FNBP1L: variants seen among roughly 807,000 people sequenced by gnomAD.
The protein encoded by FNBP1L is formin-binding protein 1-like.
FNBP1L carries 36 observed loss-of-function variants against 91.2 expected under a neutral mutation model. That is an observed-to-expected ratio of 0.39 (90% CI 0.30 to 0.52). FNBP1L has a LOEUF of 0.52. Ranked by LOEUF, FNBP1L falls within the 20% of genes least tolerant of loss-of-function variation. FNBP1L has a pLI of 0.66. For missense variants in FNBP1L, 571 were observed against 732.1 expected (o/e 0.78, Z 2.54); for synonymous variants, 242 against 237.0 (o/e 1.02, Z -0.19).
intron 2 of FNBP1L, among the ~76,000 whole-genome samples, chr1:93,511,226 A>C (rs1670828189): frequency 6.6e-6 from 1 of 152,262 alleles, no homozygotes; most frequent in Admixed American, 6.5e-5. Context: ...TTACCCTCAA[A>C]GGTAAGCCCA....
intron 11 of FNBP1L, among the ~76,000 whole-genome samples, chr1:93,542,104 A>G (rs1672065855): frequency 6.6e-6 from 1 of 152,052 alleles, no homozygotes; most frequent in Non-Finnish European, 1.5e-5. Flanking sequence ...TAAGAAGTTT[A>G]TTTTTGGCAT....
chr1:93,546,390 G>T (rs1356949758), intron 12 of FNBP1L, among the ~76,000 whole-genome samples: 1 of 152,022 alleles, frequency 6.6e-6, no homozygotes, highest in African/African-American at 2.4e-5. Context: ...TTTGGGTGGG[G>T]GCAAGTTAAA....
At chr1:93,488,547 A>G (rs1465839026) in intron 1 of FNBP1L, 1 of 152,186 alleles carries the variant, frequency 6.6e-6, no homozygotes, top group Non-Finnish European at 1.5e-5. Flanking sequence ...ATACCCTCCA[A>G]TGTATTTCCA....
intron 15 of FNBP1L, among the ~76,000 whole-genome samples, chr1:93,550,434 G>C (rs1028382791): frequency 3.9e-5 from 6 of 152,152 alleles, no homozygotes; most frequent in African/African-American, 1.4e-4. Flanking sequence ...GGTTGGGCGT[G>C]GTTGGGGATA....
At chr1:93,472,249 A>G (rs1348843783) in intron 1 of FNBP1L, among the ~76,000 whole-genome samples, 1 of 152,196 alleles carries the variant, frequency 6.6e-6, no homozygotes, top group African/African-American at 2.4e-5. Flanking sequence ...GGACTGAGTC[A>G]TATTCCCTTT....
At chr1:93,552,292 G>T in intron 16 of FNBP1L, 117 bp from the exon 17 acceptor site, 1 of 1,475,926 alleles carries the variant, frequency 6.8e-7, no homozygotes, top group East Asian at 2.4e-5. Flanking sequence ...GGTGTTTTCG[G>T]TAGCTGACTA....
intron 1 of FNBP1L, 133 bp downstream of exon 1, chr1:93,448,438 C>G: frequency 3.0e-6 from 3 of 1,002,288 alleles, no homozygotes; most frequent in Middle Eastern, 3.3e-4. Context: ...GGGTGAGGGT[C>G]CCGCTCGTCT....
chr1:93,504,019 A>G (rs1670523912), intron 2 of FNBP1L, among the ~76,000 whole-genome samples: 1 of 152,160 alleles, frequency 6.6e-6, no homozygotes, highest in Non-Finnish European at 1.5e-5. Context: ...GGAAGTGCAC[A>G]AACTACTCTT....
chr1:93,484,833 C>CA (rs1669842834), intron 1 of FNBP1L, among the ~76,000 whole-genome samples: 1 of 152,110 alleles, frequency 6.6e-6, no homozygotes, highest in Non-Finnish European at 1.5e-5. Flanking sequence ...CAGTGCTGAA[C>CA]AATAGAGAGG....
Position 93,548,784 on chromosome 1 carries a change from T to C in FNBP1L, c.1503-494T>C, listed in dbSNP as rs116009305. On this transcript the variant is annotated intron_variant, in intron 14 of 16. Transcript: ENST00000271234. ...CTTCGAAGAGTCCCAAGCAAAAGTT[T>C]CTGTGCATTTCTTAAATCTGATTAG... 8.1e-3 allele frequency among the ~76,000 whole-genome samples: 1,233 copies of C among 152,274 alleles called. 22 individuals are homozygous for C. Among genetic ancestry groups the C allele is most frequent in the African/African-American group, 0.028 (1,172 of 41,558 alleles).
At position 93,551,979 on chromosome 1, in the gene FNBP1L, C is replaced by CT; in HGVS notation, c.1811-428dup. The CT allele has an allele frequency of 3.0e-6, 3 of 991,154 alleles. No homozygotes were observed. The African/African-American group carries it at 5.2e-5, about 17-fold the overall frequency. The allele number at this position is 991,154 out of a possible 1,614,324, so 61.4% of individuals were successfully genotyped here. ...ATACACATTTGAAGATAGAGGAAAC[C>CT]TTGAATGGAGGGGAAGTGTTGACAA... On this transcript the variant is annotated intron_variant, in intron 16 of 16. Transcript: ENST00000271234.
At chr1:93,466,662 T>C (rs899503532) in intron 1 of FNBP1L, among the ~76,000 whole-genome samples, 2 of 152,192 alleles carry the variant, frequency 1.3e-5, no homozygotes, top group African/African-American at 2.4e-5. Flanking sequence ...TTCTTTTTGC[T>C]TAGGATTGTC....
Position 93,450,914 on chromosome 1 carries a change from C to T in FNBP1L, c.24+2609C>T, listed in dbSNP as rs148612385. On this transcript the variant is annotated intron_variant, in intron 1 of 16. Transcript: ENST00000271234. ...TTCAATAGAACGGCTCTAATACTGA[C>T]TTTGGGGGACTTTTGTAGTGATGTG... Among the ~76,000 whole-genome samples the T allele has an allele frequency of 9.9e-5, 15 of 152,258 alleles. No individual in the cohort carries two copies. In the East Asian group the frequency reaches 2.9e-3, roughly 29 times the overall value.
At chr1:93,448,858 G>A (rs985183419) in intron 1 of FNBP1L, among the ~76,000 whole-genome samples, 28 of 152,128 alleles carry the variant, frequency 1.8e-4, no homozygotes, top group African/African-American at 6.5e-4. Context: ...GGCTTTGTTC[G>A]GAGCCCGGCC....
intron 1 of FNBP1L, among the ~76,000 whole-genome samples, chr1:93,460,908 T>G: frequency 6.6e-6 from 1 of 152,236 alleles, no homozygotes; most frequent in East Asian, 1.9e-4. Flanking sequence ...GCTGTAAGAA[T>G]AGTTTTATAT....
chr1:93,528,774 A>G (rs943086910), intron 5 of FNBP1L, among the ~76,000 whole-genome samples: 3 of 152,170 alleles, frequency 2.0e-5, no homozygotes, highest in Non-Finnish European at 4.4e-5. Context: ...AATAAAATCA[A>G]TAGAATTCCT....
chr1:93,540,497 A>G lies in FNBP1L; in HGVS notation c.1150-545A>G, dbSNP rs956105162. Among the ~76,000 whole-genome samples the G allele has an allele frequency of 1.1e-4, 16 of 152,264 alleles. No individual in the cohort carries two copies. The South Asian group carries it at 2.7e-3, about 26-fold the overall frequency. On this transcript the variant is annotated intron_variant, in intron 10 of 16. Coordinates refer to ENST00000271234, the MANE Select transcript of FNBP1L (RefSeq NM_001164473.3). Reference sequence around the variant, plus strand: ...TAATGTGTTTTAAATGTACATTTTAAAAGATTTTAAAATGAAAGTAAAAAT... The same window carrying G: ...TAATGTGTTTTAAATGTACATTTTAGAAGATTTTAAAATGAAAGTAAAAAT...
chr1:93,495,205 A>G (rs1008212292), intron 1 of FNBP1L, among the ~76,000 whole-genome samples: 1 of 152,230 alleles, frequency 6.6e-6, no homozygotes, highest in Non-Finnish European at 1.5e-5. Context: ...TTTCACATGG[A>G]AAGTTTGTTG....
intron 8 of FNBP1L, among the ~76,000 whole-genome samples, chr1:93,533,779 G>A (rs558379772): frequency 3.3e-5 from 5 of 152,006 alleles, no homozygotes; most frequent in Non-Finnish European, 7.4e-5. Context: ...TAGAAAAGAG[G>A]ATTTTTGGCT....
Sources: allele counts gnomAD v4.1 joint callset (sites outside exome capture counted in the v4.1 genomes callset), GRCh38; gene constraint gnomAD v4.1.1; transcripts MANE v1.5; gene names NCBI Gene and HGNC (gene_info 2026-07-23, HGNC 2026-07-21).